Variants in SMARCC1 observed in about 807,000 individuals in gnomAD.
SMARCC1 encodes the protein SWI/SNF related BAF chromatin remodeling complex subunit C1.
Under a neutral mutation model 147.4 loss-of-function variants are expected in SMARCC1, and 43 were observed. The ratio of observed to expected loss-of-function variants is 0.29; its 90% confidence interval spans 0.23 to 0.38. The LOEUF (loss-of-function observed/expected upper bound fraction) is 0.38. SMARCC1 is among the 10% of genes least tolerant of loss of function. The pLI, the probability that SMARCC1 is intolerant of heterozygous loss-of-function variation, is 1.00. For missense variants in SMARCC1, 1,119 were observed against 1,381.1 expected, an observed-to-expected ratio of 0.81 and a Z score of 3.01; for synonymous variants, 495 against 484.4, an observed-to-expected ratio of 1.02 and a Z score of -0.29.
chr3:47,588,820 G>A (rs1445157965), intron 27 of SMARCC1, among the ~76,000 whole-genome samples: 1 of 150,538 alleles, frequency 6.6e-6, no homozygotes. Flanking sequence ...GGCAGTTGCT[G>A]ACAAACTGGA....
intron 9 of SMARCC1, among the ~76,000 whole-genome samples, chr3:47,708,092 T>TTTTC (rs1559650577): frequency 2.7e-5 from 2 of 72,882 alleles, no homozygotes; most frequent in South Asian, 1.2e-3. Context: ...TCTTTTTTTT[T>TTTTC]TTTTTTTTTT....
intron 18 of SMARCC1, among the ~76,000 whole-genome samples, chr3:47,673,395 A>AAGG (rs1553682242): frequency 4.4e-4 from 7 of 15,878 alleles, no homozygotes; most frequent in African/African-American, 5.2e-4. Flanking sequence ...CAAAAAAAAA[A>AAGG]GGGTGGGGGG....
At chr3:47,643,893 T>C (rs571933692) in intron 21 of SMARCC1, among the ~76,000 whole-genome samples, 1 of 152,172 alleles carries the variant, frequency 6.6e-6, no homozygotes, top group South Asian at 2.1e-4. Context: ...GATGGGATTA[T>C]AAAAAACCCC....
chr3:47,664,045 C>T (rs566056804), intron 19 of SMARCC1: 307 of 582,088 alleles, frequency 5.3e-4, no homozygotes, highest in Admixed American at 8.0e-4. Flanking sequence ...GCCCATGCGT[C>T]GTTGGGGGAG....
At chr3:47,590,913 C>T in intron 26 of SMARCC1, 76 bp from the exon 27 acceptor site, 2 of 1,218,146 alleles carry the variant, frequency 1.6e-6, no homozygotes, top group Non-Finnish European at 2.3e-6. Flanking sequence ...AATCCAACTC[C>T]TAAATACAAA....
At chr3:47,647,664 C>T (rs2033136116) in intron 21 of SMARCC1, among the ~76,000 whole-genome samples, 1 of 152,174 alleles carries the variant, frequency 6.6e-6, no homozygotes, top group South Asian at 2.1e-4. Flanking sequence ...AGATTTCTGT[C>T]TTGTCAAGAA....
At chr3:47,602,379 C>T (rs894906213) in intron 26 of SMARCC1, among the ~76,000 whole-genome samples, 22 of 152,208 alleles carry the variant, frequency 1.4e-4, no homozygotes, top group African/African-American at 4.8e-4. Context: ...CTAAATGCAG[C>T]CTTGACCTCC....
intron 12 of SMARCC1, 122 bp downstream of exon 12, chr3:47,693,119 A>G (rs1451599653): frequency 7.1e-6 from 5 of 701,754 alleles, no homozygotes; most frequent in South Asian, 1.7e-5. Flanking sequence ...GTGGTGAGCT[A>G]TATTACACCA....
intron 12 of SMARCC1, among the ~76,000 whole-genome samples, chr3:47,691,095 A>G (rs1172608394): frequency 6.6e-6 from 1 of 152,156 alleles, no homozygotes. Flanking sequence ...TTGGTACTCA[A>G]TGGGAAGATA....
intron 16 of SMARCC1, 35 bp downstream of exon 16, chr3:47,678,163 C>T (rs1325495236): frequency 8.1e-7 from 1 of 1,235,506 alleles, no homozygotes; most frequent in Admixed American, 2.0e-5. Context: ...TAAATTCCTA[C>T]AGTTAAATGT....
chr3:47,624,136 A>T (rs944927268), intron 24 of SMARCC1, among the ~76,000 whole-genome samples: 10 of 152,026 alleles, frequency 6.6e-5, no homozygotes, highest in South Asian at 2.1e-4. Context: ...ACTAAAAATT[A>T]AAAAATTAGC....
chr3:47,749,820 C>T (rs1576430345), intron 2 of SMARCC1, among the ~76,000 whole-genome samples: 2 of 151,758 alleles, frequency 1.3e-5, no homozygotes, highest in South Asian at 2.1e-4. Flanking sequence ...AGGTGGCTCA[C>T]GCCTACAATC....
chr3:47,726,061 C>CAAAATAAAAAAA (rs2034296135), intron 6 of SMARCC1, among the ~76,000 whole-genome samples: 1 of 50,782 alleles, frequency 2.0e-5, no homozygotes, highest in African/African-American at 7.7e-5. Flanking sequence ...GACTCTGTCT[C>CAAAATAAAAAAA]AAAAAAAAAA....
chr3:47,667,325 A>T (rs1423833214), intron 19 of SMARCC1, among the ~76,000 whole-genome samples: 3 of 152,018 alleles, frequency 2.0e-5, no homozygotes, highest in African/African-American at 7.3e-5. Flanking sequence ...CTCAAAAAAA[A>T]AAAAAAAAGA....
At chr3:47,754,095 C>T (rs1026394151) in intron 2 of SMARCC1, among the ~76,000 whole-genome samples, 3 of 152,054 alleles carry the variant, frequency 2.0e-5, no homozygotes, top group African/African-American at 4.8e-5. Flanking sequence ...CCGTAATAGT[C>T]TTGGAGACAA....
At chr3:47,748,839 G>A (rs1440024747) in intron 2 of SMARCC1, among the ~76,000 whole-genome samples, 1 of 152,108 alleles carries the variant, frequency 6.6e-6, no homozygotes, top group Non-Finnish European at 1.5e-5. Flanking sequence ...AATGGTGGTT[G>A]CCAAGGAAAG....
Position 47,781,679 on chromosome 3 carries a change from G to T in SMARCC1, c.119C>A (p.Thr40Asn), listed in dbSNP as rs749364799. ...VYRRKDGGPA[T>N]KFWESPETVS... is the part of the protein sequence containing the mutation. ...CGTCTCCGGGCTCTCCCAAAACTTG[G>T]TGGCCGGGCCCCCATCCTTCCGTCG... The change falls in exon 1 of 28, where the codon ACC (threonine) becomes AAC (asparagine). Residue 40 changes from threonine to asparagine, a missense_variant. Around this residue, in one of 6 missense-constraint regions of SMARCC1, gnomAD observed 542 missense variants for 611.8 expected, o/e 0.89. Transcript: ENST00000254480. 6.4e-7 allele frequency: 1 copy of T among 1,561,722 alleles called. No individual in the cohort carries two copies. The highest frequency in any genetic ancestry group is 1.9e-5 in the Admixed American group (1 of 52,268).
At chr3:47,629,940 T>A (rs1052493964) in intron 24 of SMARCC1, among the ~76,000 whole-genome samples, 6 of 151,654 alleles carry the variant, frequency 4.0e-5, no homozygotes, top group African/African-American at 1.5e-4. Context: ...GATGCTCAGA[T>A]TACAGATTCT....
intron 2 of SMARCC1, among the ~76,000 whole-genome samples, chr3:47,750,754 C>T (rs2034619644): frequency 6.6e-6 from 1 of 152,094 alleles, no homozygotes; most frequent in African/African-American, 2.4e-5. Flanking sequence ...ATTGACACCA[C>T]TTAAAATTAG....
Sources: allele counts gnomAD v4.1 joint callset (sites outside exome capture counted in the v4.1 genomes callset), GRCh38; gene constraint gnomAD v4.1.1; regional missense constraint gnomAD v4.1.1; transcripts MANE v1.5; gene names NCBI Gene and HGNC (gene_info 2026-07-23, HGNC 2026-07-21).